Variants in CTNND2 observed in about 807,000 individuals in gnomAD.
CTNND2 encodes catenin delta 2.
CTNND2 carries 22 observed loss-of-function variants against 144.4 expected under a neutral mutation model. The ratio of observed to expected loss-of-function variants is 0.15; its 90% CI spans 0.11 to 0.22. The LOEUF (loss-of-function observed/expected upper bound fraction) is 0.22, where lower values mean the gene tolerates loss of function less well. CTNND2 is among the 10% of genes least tolerant of loss of function. The pLI is 1.00. For synonymous variants in CTNND2, 751 were observed against 695.6 expected (o/e 1.08, Z -1.25); for missense variants, 1,353 against 1,618.8 (o/e 0.84, Z 2.82).
chr5:11,524,204 C>G (rs772707066), intron 3 of CTNND2, among the ~76,000 whole-genome samples: 1 of 152,130 alleles, frequency 6.6e-6, no homozygotes, highest in Non-Finnish European at 1.5e-5. Flanking sequence ...CTTCCCACGT[C>G]CCCTCCACAG....
In CTNND2 at chr5:11,728,964, G is replaced by A. The variant is rs573646193; in HGVS notation, c.174+3172C>T. ...GAGGAAAAAAATAAGGAACCTTTAA[G>A]AATGATTTAGGATACAAATCCCCTA... On this transcript the variant is annotated intron_variant, in intron 2 of 21. Transcript: ENST00000304623. Among the ~76,000 whole-genome samples the A allele has an allele frequency of 3.9e-5, 6 of 152,204 alleles. No homozygotes were observed. The East Asian group carries it at 1.2e-3, about 30-fold the overall frequency.
chr5:11,027,010 A>G (rs1742913063), intron 16 of CTNND2, among the ~76,000 whole-genome samples: 1 of 152,222 alleles, frequency 6.6e-6, no homozygotes, highest in Non-Finnish European at 1.5e-5. Context: ...AAACATGCAA[A>G]ATTAGTTATA....
intron 16 of CTNND2, among the ~76,000 whole-genome samples, chr5:11,064,107 G>C (rs1747293695): frequency 6.6e-6 from 1 of 152,106 alleles, no homozygotes; most frequent in Non-Finnish European, 1.5e-5. Context: ...GGGGTGGGGA[G>C]GGCTGGAAGA....
chr5:11,397,718 C>T (rs1365983456), intron 5 of CTNND2, among the ~76,000 whole-genome samples: 1 of 152,126 alleles, frequency 6.6e-6, no homozygotes, highest in African/African-American at 2.4e-5. Flanking sequence ...ATATTAATAG[C>T]TCTTTGTACG....
chr5:11,336,908 C>A (rs1168874015), intron 9 of CTNND2, among the ~76,000 whole-genome samples: 1 of 152,086 alleles, frequency 6.6e-6, no homozygotes, highest in African/African-American at 2.4e-5. Flanking sequence ...TCAAGATTAT[C>A]CCTAGAGGAA....
intron 2 of CTNND2, among the ~76,000 whole-genome samples, chr5:11,719,831 T>TACACAC (rs1178873446): frequency 1.0e-4 from 11 of 109,486 alleles, no homozygotes; most frequent in East Asian, 2.5e-4. Flanking sequence ...AGCTCTGACA[T>TACACAC]ATACACACAC....
intron 9 of CTNND2, among the ~76,000 whole-genome samples, chr5:11,314,578 G>C (rs191539118): frequency 1.3e-3 from 205 of 152,248 alleles, no homozygotes; most frequent in African/African-American, 4.6e-3. Flanking sequence ...TATTGCCCAG[G>C]CTGGTCTTGA....
intron 18 of CTNND2, among the ~76,000 whole-genome samples, chr5:10,999,833 C>T (rs898723167): frequency 6.6e-6 from 1 of 152,204 alleles, no homozygotes; most frequent in African/African-American, 2.4e-5. Flanking sequence ...GCTGTCCCTC[C>T]ACCACTTTCA....
intron 2 of CTNND2, among the ~76,000 whole-genome samples, chr5:11,585,397 T>C (rs1461613593): frequency 1.3e-5 from 2 of 152,114 alleles, no homozygotes; most frequent in East Asian, 3.8e-4. Context: ...ACACTGTATA[T>C]TTGATGTTAG....
At chr5:11,349,482 T>C (rs374233459) in intron 8 of CTNND2, among the ~76,000 whole-genome samples, 2 of 152,134 alleles carry the variant, frequency 1.3e-5, no homozygotes, top group Admixed American at 1.3e-4. Context: ...AAAAAAGGAA[T>C]TGAAGTCCTC....
At chr5:11,172,558 G>C (rs139322134) in intron 11 of CTNND2, among the ~76,000 whole-genome samples, 1 of 152,214 alleles carries the variant, frequency 6.6e-6, no homozygotes, top group East Asian at 1.9e-4. Context: ...CCTCTGCAGA[G>C]CTGGGAAGAC....
chr5:11,001,037 G>A (rs868156510), intron 18 of CTNND2, among the ~76,000 whole-genome samples: 1 of 152,150 alleles, frequency 6.6e-6, no homozygotes, highest in African/African-American at 2.4e-5. Flanking sequence ...TCCCAAGGTT[G>A]ACTTCTATAG....
At chr5:11,688,709 C>A (rs1784766431) in intron 2 of CTNND2, among the ~76,000 whole-genome samples, 2 of 152,096 alleles carry the variant, frequency 1.3e-5, no homozygotes, top group Non-Finnish European at 2.9e-5. Flanking sequence ...AGAAACCCAC[C>A]ACCCAGGAGA....
At chr5:11,149,362 C>T (rs921383852) in intron 12 of CTNND2, among the ~76,000 whole-genome samples, 3 of 152,114 alleles carry the variant, frequency 2.0e-5, no homozygotes, top group Non-Finnish European at 2.9e-5. Flanking sequence ...CATGTAACCC[C>T]GGGAAGAACA....
At chr5:11,770,776 C>G (rs1343350194) in intron 1 of CTNND2, among the ~76,000 whole-genome samples, 1 of 151,898 alleles carries the variant, frequency 6.6e-6, no homozygotes, top group Non-Finnish European at 1.5e-5. Flanking sequence ...GTGAGTAGAT[C>G]AGAAAAGCAG....
At chr5:11,447,217 CTG>C (rs1764897064) in intron 3 of CTNND2, among the ~76,000 whole-genome samples, 1 of 152,042 alleles carries the variant, frequency 6.6e-6, no homozygotes, top group Non-Finnish European at 1.5e-5. Flanking sequence ...CAGTGAGTGC[CTG>C]TAATCCCAGC....
intron 9 of CTNND2, among the ~76,000 whole-genome samples, chr5:11,261,200 C>A (rs1580735582): frequency 6.6e-6 from 1 of 152,172 alleles, no homozygotes; most frequent in African/African-American, 2.4e-5. Context: ...CACACAGAGG[C>A]AAATGACACA....
intron 16 of CTNND2, among the ~76,000 whole-genome samples, chr5:11,059,909 A>G (rs550622053): frequency 6.6e-6 from 1 of 152,318 alleles, no homozygotes; most frequent in Non-Finnish European, 1.5e-5. Context: ...TTCATACCAT[A>G]TTTATATAAA....
intron 12 of CTNND2, among the ~76,000 whole-genome samples, chr5:11,129,322 A>AAT (rs1443409438): frequency 3.7e-4 from 39 of 106,812 alleles, no homozygotes; most frequent in South Asian, 4.9e-4. Context: ...AAATATATAT[A>AAT]ATATATATAT....
Sources: allele counts gnomAD v4.1 joint callset (sites outside exome capture counted in the v4.1 genomes callset), GRCh38; gene constraint gnomAD v4.1.1; transcripts MANE v1.5; gene names NCBI Gene and HGNC (gene_info 2026-07-23, HGNC 2026-07-21).